DPP6: variants seen among roughly 807,000 people sequenced by gnomAD.
DPP6 encodes A-type potassium channel modulatory protein DPP6.
A neutral mutation model predicts 122.6 loss-of-function variants in DPP6; 69 were observed. The observed-to-expected ratio is 0.56, with a 90% CI of 0.46 to 0.69. DPP6 has a LOEUF of 0.69. DPP6 is among the 30% of genes least tolerant of loss of function. The pLI, the probability that DPP6 is intolerant of heterozygous loss-of-function variation, is 0.00. For missense variants in DPP6, 928 were observed against 1,116.9 expected (o/e 0.83, Z 2.41); for synonymous variants, 418 against 433.1 (o/e 0.97, Z 0.43).
At chr7:153,781,759 C>T in the DPP6 span, among the ~76,000 whole-genome samples, 2 of 151,734 alleles carry the variant, frequency 1.3e-5, no homozygotes, top group Admixed American at 6.6e-5. Flanking sequence ...TATGAACTTG[C>T]CTCAGAATCA....
At chr7:154,880,099 G>A (rs546243895) in intron 20 of DPP6, among the ~76,000 whole-genome samples, 32 of 152,338 alleles carry the variant, frequency 2.1e-4, no homozygotes, top group Middle Eastern at 6.8e-3. Context: ...TTGGCTTGAG[G>A]TAAAATCCAG....
chr7:154,519,998 G>A lies in DPP6; in HGVS notation c.458-20534G>A, dbSNP rs889825643. 2.6e-4 allele frequency among the ~76,000 whole-genome samples: 39 copies of A among 152,088 alleles called. 1 individual carries two copies. The highest frequency in any genetic ancestry group is 9.4e-4 in the African/African-American group (39 of 41,426). Reference sequence around the variant, plus strand: ...ACAGTAACCCTTTCAGAAAAATAAGGTATTCTATTACTGAAAATGAAAGAC... The same window carrying A: ...ACAGTAACCCTTTCAGAAAAATAAGATATTCTATTACTGAAAATGAAAGAC... On this transcript the variant is annotated intron_variant, in intron 3 of 25. Transcript: ENST00000377770.
intron 7 of DPP6, among the ~76,000 whole-genome samples, chr7:154,681,517 C>A (rs1056534782): frequency 5.9e-5 from 9 of 152,182 alleles, no homozygotes; most frequent in Non-Finnish European, 1.3e-4. Flanking sequence ...CACTTGCGGC[C>A]ATGGCAGATC....
At chr7:154,426,808 T>TAAA (rs34741334) in intron 1 of DPP6, among the ~76,000 whole-genome samples, 20 of 109,668 alleles carry the variant, frequency 1.8e-4, no homozygotes, top group African/African-American at 3.4e-4. Flanking sequence ...TACTCTGCCT[T>TAAA]AAAAAAAAAA....
intron 1 of DPP6, among the ~76,000 whole-genome samples, chr7:154,210,872 G>A (rs1433431372): frequency 2.6e-5 from 4 of 151,972 alleles, no homozygotes; most frequent in African/African-American, 9.7e-5. Flanking sequence ...AGCCGTAATC[G>A]TTAGATGCCA....
At position 154,600,622 on chromosome 7, in the gene DPP6, A is replaced by G. The variant is rs1361390131; in HGVS notation, c.627+33706A>G. On this transcript the variant is annotated intron_variant, in intron 5 of 25. Transcript: ENST00000377770. ...GATGATGAAACCAAGGCTAAAGGAAATATGATGAAATGTCCAGGGTCACTC... is the reference window on the plus strand; with the variant it reads ...GATGATGAAACCAAGGCTAAAGGAAGTATGATGAAATGTCCAGGGTCACTC... Among the ~76,000 whole-genome samples the G allele has an allele frequency of 1.6e-5, 2 of 121,750 alleles. 1 individual carries two copies. Among genetic ancestry groups the G allele is most frequent in the Non-Finnish European group, 3.7e-5 (2 of 53,872 alleles). 79.9% of individuals were successfully genotyped at this position (121,750 alleles called of 152,430 possible).
At chr7:153,852,074 G>A in the DPP6 span, among the ~76,000 whole-genome samples, 1 of 152,092 alleles carries the variant, frequency 6.6e-6, no homozygotes, top group Non-Finnish European at 1.5e-5. Flanking sequence ...TTTGGAGTTT[G>A]TTATTTCATG....
At chr7:154,507,699 A>G (rs1489399175) in intron 3 of DPP6, among the ~76,000 whole-genome samples, 1 of 152,172 alleles carries the variant, frequency 6.6e-6, no homozygotes, top group African/African-American at 2.4e-5. Flanking sequence ...CATCCACCCA[A>G]TAAAGAAATC....
chr7:154,730,931 A>G (rs1842307766), intron 8 of DPP6, among the ~76,000 whole-genome samples: 1 of 152,210 alleles, frequency 6.6e-6, no homozygotes, highest in South Asian at 2.1e-4. Context: ...TTTTTTCTTC[A>G]AGGCATTTAC....
At chr7:154,563,863 G>C (rs1317270178) in intron 4 of DPP6, among the ~76,000 whole-genome samples, 1 of 152,168 alleles carries the variant, frequency 6.6e-6, no homozygotes, top group Non-Finnish European at 1.5e-5. Flanking sequence ...GGTTCAGGTG[G>C]TCTGGGCTGG....
At chr7:154,588,365 T>G in intron 5 of DPP6, 1 of 450,212 alleles carries the variant, frequency 2.2e-6, no homozygotes, top group Non-Finnish European at 3.9e-6. Context: ...GACAATGTGA[T>G]GTTGGCCGAC....
Position 154,892,561 on chromosome 7 carries a change from T to A in DPP6, c.*81T>A. On this transcript the variant is annotated 3_prime_UTR_variant, in exon 26 of 26. Transcript: ENST00000377770. ...GGATTTCCCTGCCCTCCCTCTTCCC[T>A]CGGAGGGGCGGGGCGGGGCGGGGCC... 1 of 1,097,374 alleles carries A rather than the reference T, an allele frequency of 9.1e-7. No homozygotes were observed. Among genetic ancestry groups the A allele is most frequent in the Non-Finnish European group, 1.3e-6 (1 of 779,686 alleles). The allele number at this position is 1,097,374 out of a possible 1,614,324, so 68.0% of individuals were successfully genotyped here. A position where few individuals can be genotyped will look rare whatever the true frequency, so the allele number is the denominator to read the frequency against.
chr7:153,842,629 G>A, the DPP6 span, among the ~76,000 whole-genome samples: 12 of 151,900 alleles, frequency 7.9e-5, no homozygotes, highest in Non-Finnish European at 1.8e-4. Flanking sequence ...AACCATCTGG[G>A]TTTTACTTTA....
intron 1 of DPP6, among the ~76,000 whole-genome samples, chr7:154,221,923 AAATTT>A (rs1393301616): frequency 5.9e-5 from 9 of 152,326 alleles, no homozygotes; most frequent in African/African-American, 9.6e-5. Flanking sequence ...GGTAAATTGA[AAATTT>A]AATTTAATTT....
At chr7:153,923,674 T>C (rs1800749687) in intron 1 of DPP6, among the ~76,000 whole-genome samples, 1 of 139,774 alleles carries the variant, frequency 7.2e-6, no homozygotes, top group Non-Finnish European at 1.5e-5. Flanking sequence ...GGCAGAAGAA[T>C]GGCGTGAACC....
At chr7:153,819,524 G>T in the DPP6 span, among the ~76,000 whole-genome samples, 1 of 152,086 alleles carries the variant, frequency 6.6e-6, no homozygotes, top group South Asian at 2.1e-4. Flanking sequence ...AGCCAAGTTT[G>T]CATGGCACAC....
At chr7:154,414,378 A>G (rs1409060561) in intron 1 of DPP6, among the ~76,000 whole-genome samples, 1 of 152,208 alleles carries the variant, frequency 6.6e-6, no homozygotes, top group East Asian at 1.9e-4. Flanking sequence ...CAATCAATCA[A>G]TCGTACAGTC....
chr7:154,746,273 G>A (rs548626880), intron 8 of DPP6, among the ~76,000 whole-genome samples: 5 of 152,116 alleles, frequency 3.3e-5, no homozygotes, highest in Admixed American at 6.5e-5. Flanking sequence ...AGGATTTCCC[G>A]CATAGTCCCC....
chr7:154,852,987 C>T (rs1802531488), intron 16 of DPP6, among the ~76,000 whole-genome samples: 1 of 152,228 alleles, frequency 6.6e-6, no homozygotes, highest in Non-Finnish European at 1.5e-5. Context: ...GCCTCCAGCC[C>T]TGCAGGAAGG....
Sources: allele counts gnomAD v4.1 joint callset (sites outside exome capture counted in the v4.1 genomes callset), GRCh38; gene constraint gnomAD v4.1.1; transcripts MANE v1.5; gene names NCBI Gene and HGNC (gene_info 2026-07-23, HGNC 2026-07-21).